Variants in CMIP observed in about 807,000 individuals in gnomAD.
CMIP encodes c-Maf inducing protein.
Under a neutral mutation model 97.3 loss-of-function variants are expected in CMIP, and 13 were observed. The observed-to-expected ratio is 0.13, with a 90% CI of 0.09 to 0.21. CMIP has a LOEUF of 0.21. CMIP is among the 10% of genes least tolerant of loss of function. CMIP has a pLI of 1.00. For missense variants in CMIP, 847 were observed against 1,024.9 expected, an observed-to-expected ratio of 0.83 and a Z score of 2.37; for synonymous variants, 538 against 436.3, an observed-to-expected ratio of 1.23 and a Z score of -2.91.
At chr16:81,626,218 C>T (rs78089568) in intron 3 of CMIP, among the ~76,000 whole-genome samples, 34 of 151,338 alleles carry the variant, frequency 2.2e-4, no homozygotes, top group African/African-American at 4.4e-4. Flanking sequence ...TGTGTGTGCG[C>T]GTGAGAATGT....
intron 1 of CMIP, among the ~76,000 whole-genome samples, chr16:81,545,515 A>C (rs1344614941): frequency 6.6e-6 from 1 of 152,190 alleles, no homozygotes; most frequent in Non-Finnish European, 1.5e-5. Flanking sequence ...TCAGTGCTCT[A>C]TGAATGGCAT....
intron 1 of CMIP, among the ~76,000 whole-genome samples, chr16:81,455,583 A>T (rs1218359281): frequency 1.3e-5 from 2 of 151,992 alleles, no homozygotes; most frequent in African/African-American, 4.8e-5. Context: ...TCCGTACTGA[A>T]AGCAGGGGAT....
At chr16:81,617,684 G>C (rs1472340170) in intron 2 of CMIP, 5 of 152,248 alleles carry the variant, frequency 3.3e-5, no homozygotes, top group Non-Finnish European at 7.3e-5. Flanking sequence ...GTGTTCATTC[G>C]TTCCAGTGTA....
intron 1 of CMIP, among the ~76,000 whole-genome samples, chr16:81,498,634 C>T (rs1372840045): frequency 2.0e-5 from 3 of 152,218 alleles, no homozygotes; most frequent in Non-Finnish European, 2.9e-5. Flanking sequence ...TGGCTGCACA[C>T]ACTTGCATAC....
chr16:81,461,375 T>C (rs1906887208), intron 1 of CMIP, among the ~76,000 whole-genome samples: 1 of 152,198 alleles, frequency 6.6e-6, no homozygotes, highest in African/African-American at 2.4e-5. Context: ...AACTTGAAGT[T>C]CATCTAGTTC....
intron 5 of CMIP, among the ~76,000 whole-genome samples, chr16:81,660,314 C>G (rs947674560): frequency 2.6e-5 from 4 of 151,666 alleles, no homozygotes; most frequent in African/African-American, 9.7e-5. Context: ...CACTCTGTCA[C>G]CCAGGCTAGA....
chr16:81,671,462 G>T, intron 8 of CMIP, among the ~76,000 whole-genome samples: 1 of 152,170 alleles, frequency 6.6e-6, no homozygotes, highest in Non-Finnish European at 1.5e-5. Context: ...AAGCCAAAAT[G>T]ACCCTCATCA....
intron 1 of CMIP, chr16:81,520,569 G>GGGGGGA (rs370420453): frequency 1.9e-5 from 2 of 106,950 alleles, no homozygotes; most frequent in African/African-American, 4.4e-5. Flanking sequence ...GGAGGAAGGG[G>GGGGGGA]GAGAGAGAGA....
chr16:81,518,993 C>T (rs2089969845), intron 1 of CMIP: 1 of 152,224 alleles, frequency 6.6e-6, no homozygotes. Context: ...CCGCGCCACG[C>T]CTGGCTAATT....
chr16:81,603,302 C>T lies in CMIP; in HGVS notation c.301-4265C>T, dbSNP rs569084481. 6.0e-4 allele frequency: 262 copies of T among 436,926 alleles called. 1 individual carries two copies. The highest frequency in any genetic ancestry group is 4.2e-3 in the South Asian group (258 of 62,020). 27.1% of individuals were successfully genotyped at this position (436,926 alleles called of 1,614,324 possible). On this transcript the variant is annotated intron_variant, in intron 1 of 20. Transcript: ENST00000537098. ...TTCACCATGTTAGCCAGGATGGTCT[C>T]GATCAAGGTGACGTCATGATCCGCC...
In CMIP at chr16:81,555,530, C is replaced by T. The variant is rs569645103; in HGVS notation, c.301-52037C>T. ...CAACAAAAGGGTCTAAGGCCTCATTCCCAGCTCAGCACATACACTGTCCGC... is the reference window on the plus strand; with the variant it reads ...CAACAAAAGGGTCTAAGGCCTCATTTCCAGCTCAGCACATACACTGTCCGC... On this transcript the variant is annotated intron_variant, in intron 1 of 20. Transcript: ENST00000537098. Among the ~76,000 whole-genome samples, 11 of 152,338 alleles carry T rather than the reference C, an allele frequency of 7.2e-5. No individual in the cohort carries two copies. The South Asian group carries it at 2.3e-3, about 32-fold the overall frequency.
At chr16:81,591,549 A>T (rs187996432) in intron 1 of CMIP, among the ~76,000 whole-genome samples, 1 of 152,282 alleles carries the variant, frequency 6.6e-6, no homozygotes, top group East Asian at 1.9e-4. Context: ...CTCAGACATC[A>T]TACTGGCCAA....
chr16:81,622,958 C>G (rs2092012345), intron 3 of CMIP, among the ~76,000 whole-genome samples: 1 of 152,244 alleles, frequency 6.6e-6, no homozygotes, highest in African/African-American at 2.4e-5. Context: ...AATCCCAACA[C>G]TTTGGGAGGC....
intron 6 of CMIP, among the ~76,000 whole-genome samples, chr16:81,663,358 A>G (rs746547007): frequency 1.3e-4 from 20 of 152,156 alleles, no homozygotes; most frequent in African/African-American, 2.4e-5. Flanking sequence ...AATGCATATT[A>G]GTAAGTGAGA....
chr16:81,693,317 C>T (rs140343191), intron 12 of CMIP, 122 bp from the exon 13 acceptor site: 2 of 1,430,342 alleles, frequency 1.4e-6, no homozygotes, highest in South Asian at 1.2e-5. Flanking sequence ...ACACGTGTCC[C>T]TGATCCACCG....
chr16:81,503,205 C>T (rs562524381), intron 1 of CMIP, among the ~76,000 whole-genome samples: 27 of 152,276 alleles, frequency 1.8e-4, no homozygotes, highest in African/African-American at 6.0e-4. Flanking sequence ...CCCTCAGTCC[C>T]AGGGAAACCG....
intron 10 of CMIP, among the ~76,000 whole-genome samples, chr16:81,680,092 T>A (rs1055000158): frequency 6.6e-5 from 10 of 152,142 alleles, no homozygotes; most frequent in Admixed American, 2.0e-4. Context: ...GGCTGTGTTG[T>A]CATATTTAAC....
chr16:81,491,228 G>A (rs2089400890), intron 1 of CMIP, among the ~76,000 whole-genome samples: 3 of 152,198 alleles, frequency 2.0e-5, no homozygotes, highest in African/African-American at 4.8e-5. Context: ...GGGCTGGAGT[G>A]CCGGTGTCTG....
At chr16:81,504,658 A>AG (rs2150782792) in intron 1 of CMIP, among the ~76,000 whole-genome samples, 2 of 150,086 alleles carry the variant, frequency 1.3e-5, no homozygotes, top group South Asian at 4.3e-4. Flanking sequence ...AAAAAAAAAA[A>AG]AAAAAAAAGA....
Sources: gnomAD v4.1 joint callset for allele counts (sites outside exome capture counted in the v4.1 genomes callset) on GRCh38, gnomAD v4.1.1 for gene constraint, MANE v1.5 for transcripts, NCBI Gene and HGNC (gene_info 2026-07-23, HGNC 2026-07-21) for gene names.